Variants in ULK3 observed in about 807,000 individuals in gnomAD.
ULK3 encodes the protein serine/threonine-protein kinase ULK3.
Under a neutral mutation model 69.4 loss-of-function variants are expected in ULK3, and 54 were observed. The observed-to-expected ratio is 0.78, with a 90% CI of 0.63 to 0.98. The LOEUF (loss-of-function observed/expected upper bound fraction) is 0.98, where lower values mean the gene tolerates loss of function less well. Among genes scored for constraint, ULK3 ranks in the 50% least tolerant of loss-of-function variants. ULK3 has a pLI of 0.00. For missense variants in ULK3, 558 were observed against 627.7 expected, an observed-to-expected ratio of 0.89 and a Z score of 1.19; for synonymous variants, 240 against 254.5, an observed-to-expected ratio of 0.94 and a Z score of 0.54.
intron 8 of ULK3, 21 bp from the exon 9 acceptor site, chr15:74,839,071 T>A (rs376141152): frequency 6.3e-7 from 1 of 1,597,182 alleles, no homozygotes; most frequent in Non-Finnish European, 8.5e-7. Context: ...TGAGGTCATA[T>A]GAGGAGTCTG....
chr15:74,836,182 G>A lies in ULK3; in HGVS notation c.*1046C>T, dbSNP rs1235934413. 6.6e-6 allele frequency: 1 copy of A among 152,196 alleles called. No homozygotes were observed. The highest frequency in any genetic ancestry group is 6.5e-5 in the Admixed American group (1 of 15,288). 9.4% of individuals were successfully genotyped at this position (152,196 alleles called of 1,614,324 possible). On this transcript the variant is annotated 3_prime_UTR_variant, in exon 16 of 16. Transcript: ENST00000440863. This position sits in a 1 kb window ranked among gnomAD's most constrained non-coding sequence, Gnocchi z 4.0. ...CTTTACACTCAGCCTCCTGCAGGGA[G>A]GACAGACAGCTCTTGCCCAAGGAAG...
At position 74,840,329 on chromosome 15, in the gene ULK3, G is replaced by A; in HGVS notation, c.614-13C>T. On this transcript the variant is annotated splice_polypyrimidine_tract_variant and intron_variant, in intron 5 of 15. Coordinates refer to ENST00000440863, the MANE Select transcript of ULK3 (RefSeq NM_001099436.4). ...CCGAAGAGGGCTTCTGTGGAAGGGAGGCAGAGCGGAGGCTGGGAGGGAATG... is the reference window on the plus strand; with the variant it reads ...CCGAAGAGGGCTTCTGTGGAAGGGAAGCAGAGCGGAGGCTGGGAGGGAATG... 5 of 1,605,484 alleles carry A rather than the reference G, an allele frequency of 3.1e-6. No individual in the cohort carries two copies. The highest frequency in any genetic ancestry group is 4.3e-6 in the Non-Finnish European group (5 of 1,176,334).
Position 74,838,999 on chromosome 15 carries a change from C to G in ULK3, c.999+11G>C. The G allele has an allele frequency of 6.3e-7, 1 of 1,599,550 alleles. No homozygotes were observed. The highest frequency in any genetic ancestry group is 1.1e-5 in the South Asian group (1 of 87,920). On this transcript the variant is annotated intron_variant, in intron 9 of 15. Transcript: ENST00000440863. ...CTGCCCCCCCACTTCCTCATGGGGA[C>G]TCTCACCCACCTTTGCCTTAATTGC...
At chr15:74,837,588 G>A (rs187564548) in intron 14 of ULK3, among the ~76,000 whole-genome samples, 153 bp from the exon 15 acceptor site, 3 of 150,150 alleles carry the variant, frequency 2.0e-5, no homozygotes, top group East Asian at 2.0e-4. Context: ...GAGCCACAGC[G>A]CAGTGCCGAG....
intron 9 of ULK3, 21 bp downstream of exon 9, chr15:74,838,989 C>A: frequency 6.3e-7 from 1 of 1,593,438 alleles, no homozygotes; most frequent in East Asian, 2.3e-5. Context: ...CCCCCACTTC[C>A]TCATGGGGAC....
At chr15:74,838,535 G>T in intron 10 of ULK3, 31 bp from the exon 11 acceptor site, 1 of 1,566,186 alleles carries the variant, frequency 6.4e-7, no homozygotes, top group Non-Finnish European at 8.7e-7. Flanking sequence ...CAGGGTGAGG[G>T]AAGCAACCTG....
rs779997725 is a variant in ULK3, at chr15:74,841,506, C to T, written c.368G>A (p.Ser123Asn). 6.2e-7 allele frequency: 1 copy of T among 1,613,806 alleles called. No homozygotes were observed. Among genetic ancestry groups the T allele is most frequent in the Non-Finnish European group, 8.5e-7 (1 of 1,179,784 alleles). Residue 123 changes from serine (S) to asparagine (N), a missense_variant, in exon 4 of 16, where the codon AGC becomes AAC. Ser to Asn is a conservative substitution (Grantham distance 46). Coordinates refer to ENST00000440863, the MANE Select transcript of ULK3 (RefSeq NM_001099436.4). ...CCGTTCATGCAGGAATTGCAGGGCG[C>T]TAGCTGAGGAGCAGGACCCACGAAG... ...VARVFMQQLA[S>N]ALQFLHERNI...
rs560668176 is a variant in ULK3 at position 74,837,603 on chromosome 15, A to T, written c.1335+148T>A. The T allele has an allele frequency of 1.3e-4, 181 of 1,342,564 alleles. 1 individual carries two copies. The highest frequency in any genetic ancestry group is 5.6e-4 in the East Asian group (22 of 38,952). 83.2% of individuals were successfully genotyped at this position (1,342,564 alleles called of 1,614,324 possible). A position where few individuals can be genotyped will look rare whatever the true frequency, so the allele number is the denominator to read the frequency against. ...GAGCCACAGCGCAGTGCCGAGCAAGAGAGAGAGTGAAGGGCAGATACAGGG... is the reference window on the plus strand; with the variant it reads ...GAGCCACAGCGCAGTGCCGAGCAAGTGAGAGAGTGAAGGGCAGATACAGGG... On this transcript the variant is annotated intron_variant, in intron 14 of 15. Coordinates refer to ENST00000440863, the MANE Select transcript of ULK3 (RefSeq NM_001099436.4).
At chr15:74,839,869 G>A (rs547372620) in intron 6 of ULK3, among the ~76,000 whole-genome samples, 156 bp from the exon 7 acceptor site, 5 of 152,294 alleles carry the variant, frequency 3.3e-5, no homozygotes, top group East Asian at 1.9e-4. Context: ...TGGAGCCAGC[G>A]GGGAGCGAGG....
chr15:74,837,311 A>AG, intron 15 of ULK3, 58 bp downstream of exon 15: 1 of 1,612,650 alleles, frequency 6.2e-7, no homozygotes, highest in Non-Finnish European at 8.5e-7. Context: ...GGCAGAACCC[A>AG]GGGCCCCCAG....
At chr15:74,841,990 A>C in intron 3 of ULK3, 85 bp downstream of exon 3, 1 of 1,592,578 alleles carries the variant, frequency 6.3e-7, no homozygotes, top group South Asian at 1.1e-5. Context: ...AATGCGTGCC[A>C]AGGCTCTAAG....
intron 4 of ULK3, among the ~76,000 whole-genome samples, chr15:74,841,114 T>C (rs1354330519): frequency 6.6e-6 from 1 of 152,182 alleles, no homozygotes; most frequent in Non-Finnish European, 1.5e-5. Flanking sequence ...TGTCACACGC[T>C]GAACCCTGGC....
At chr15:74,839,141 A>T in intron 8 of ULK3, 91 bp from the exon 9 acceptor site, 1 of 1,540,724 alleles carries the variant, frequency 6.5e-7, no homozygotes, top group Non-Finnish European at 8.8e-7. Context: ...ACAATATTCC[A>T]GGTTTACGCT....
In ULK3 at chr15:74,836,247, T is replaced by C. The variant is rs1365739853; in HGVS notation, c.*981A>G. 6.6e-6 allele frequency: 1 copy of C among 152,246 alleles called. No homozygotes were observed. The highest frequency in any genetic ancestry group is 1.5e-5 in the Non-Finnish European group (1 of 68,044). 9.4% of individuals were successfully genotyped at this position (152,246 alleles called of 1,614,324 possible). A position where few individuals can be genotyped will look rare whatever the true frequency, so the allele number is the denominator to read the frequency against. On this transcript the variant is annotated 3_prime_UTR_variant, in exon 16 of 16. Transcript: ENST00000440863. This position sits in a 1 kb window ranked among gnomAD's most constrained non-coding sequence, Gnocchi z 4.0. ...AGGGCTACAAATCACCAACACCCGC[T>C]GATTATTTAAAAGAAACTCTCAAAT...
In ULK3 at chr15:74,842,666, C is replaced by A. The variant is rs1408285639; in HGVS notation, c.103-246G>T. 2.0e-6 allele frequency: 3 copies of A among 1,535,874 alleles called. No individual in the cohort carries two copies. Among genetic ancestry groups the A allele is most frequent in the Middle Eastern group, 1.7e-4 (1 of 5,988 alleles). On this transcript the variant is annotated intron_variant, in intron 1 of 15. Transcript: ENST00000440863. The surrounding 1 kb of genome is among the most constrained non-coding windows in gnomAD (Gnocchi z 4.9). ...CAACCCTCGGCTAGCTGATCCATTT[C>A]TTTGCATTCTGGAGTGCTCCCGGCA...
chr15:74,841,496 T>A lies in ULK3; in HGVS notation c.378A>T (p.Gln126His). The change falls in exon 4 of 16, where the codon CAA (glutamine) becomes CAT (histidine). Residue 126 changes from glutamine to histidine, a missense_variant. Transcript: ENST00000440863. The part of the protein sequence containing the change: ...VFMQQLASAL[Q>H]FLHERNISHL... ...GAGAGATATTCCGTTCATGCAGGAA[T>A]TGCAGGGCGCTAGCTGAGGAGCAGG... is the stretch of plus-strand genomic sequence containing the variant. 6.2e-7 allele frequency: 1 copy of A among 1,613,864 alleles called. No individual in the cohort carries two copies.
Position 74,842,495 on chromosome 15 carries a change from G to T in ULK3, c.103-75C>A. ...TGTCTGACTGGAAAGGCTCTATCTG[G>T]TTCCCTCTGTTCCCCCACCCCGCCC... On this transcript the variant is annotated intron_variant, in intron 1 of 15. Transcript: ENST00000440863. This position sits in a 1 kb window ranked among gnomAD's most constrained non-coding sequence, Gnocchi z 4.9. The T allele has an allele frequency of 6.2e-7, 1 of 1,607,634 alleles. No individual in the cohort carries two copies. Among genetic ancestry groups the T allele is most frequent in the East Asian group, 2.2e-5 (1 of 44,866 alleles).
Position 74,839,681 on chromosome 15 carries a change from GCAGTCTC to G in ULK3, c.722_728del (p.Arg241ProfsTer50). 6.4e-7 allele frequency: 1 copy of G among 1,553,330 alleles called. No individual in the cohort carries two copies. The highest frequency in any genetic ancestry group is 8.7e-7 in the Non-Finnish European group (1 of 1,151,038). The stretch of plus-strand genomic sequence containing the variant: ...CCAGGAGCCGCTGCAGTAGGTCCCG[GCAGTCTC>G]GGGAGAGCAGGGGCCGCAAGGGGAG... On this transcript the variant is annotated frameshift_variant, in exon 7 of 16. Coordinates refer to ENST00000440863, the MANE Select transcript of ULK3 (RefSeq NM_001099436.4). LOFTEE classifies it high-confidence loss of function.
chr15:74,842,513 C>G lies in ULK3; in HGVS notation c.103-93G>C, dbSNP rs781628630. 17 of 1,601,574 alleles carry G rather than the reference C, an allele frequency of 1.1e-5. No individual in the cohort carries two copies. Among genetic ancestry groups the G allele is most frequent in the Non-Finnish European group, 1.4e-5 (16 of 1,179,262 alleles). On this transcript the variant is annotated intron_variant, in intron 1 of 15. Coordinates refer to ENST00000440863, the MANE Select transcript of ULK3 (RefSeq NM_001099436.4). The surrounding 1 kb of genome is among the most constrained non-coding windows in gnomAD (Gnocchi z 4.9). ...CTATCTGGTTCCCTCTGTTCCCCCA[C>G]CCCGCCCCTCCCCGGGTCTACCTAC...
Sources: allele counts gnomAD v4.1 joint callset (sites outside exome capture counted in the v4.1 genomes callset), GRCh38; gene constraint gnomAD v4.1.1; non-coding constraint Gnocchi (gnomAD v3.1); transcripts MANE v1.5; gene names NCBI Gene and HGNC (gene_info 2026-07-23, HGNC 2026-07-21).